AKAP13: variants seen among roughly 807,000 people sequenced by gnomAD.
The protein encoded by AKAP13 is A-kinase anchoring protein 13, also known as A-kinase anchor protein 13.
In AKAP13, 80 loss-of-function variants were observed where a neutral mutation model predicts 264.5. That is an observed-to-expected ratio of 0.30 (90% CI 0.25 to 0.36). AKAP13 has a LOEUF of 0.36. AKAP13 is among the 10% of genes least tolerant of loss of function. AKAP13 has a pLI of 1.00. For synonymous variants in AKAP13, 1,380 were observed against 1,250.2 expected, an observed-to-expected ratio of 1.10 and a Z score of -2.19; for missense variants, 3,712 against 3,435.2, an observed-to-expected ratio of 1.08 and a Z score of -2.01.
At chr15:85,540,280 C>T (rs1424697026) in intron 4 of AKAP13, among the ~76,000 whole-genome samples, 1 of 152,118 alleles carries the variant, frequency 6.6e-6, no homozygotes, top group Non-Finnish European at 1.5e-5. Flanking sequence ...TCCCTTCTCT[C>T]CAGGGGAAAT....
At chr15:85,622,425 A>ATG (rs1322956723) in intron 8 of AKAP13, among the ~76,000 whole-genome samples, 1 of 152,176 alleles carries the variant, frequency 6.6e-6, no homozygotes, top group African/African-American at 2.4e-5. Flanking sequence ...ATTGTGGTGG[A>ATG]TGGGAGCACC....
intron 17 of AKAP13, among the ~76,000 whole-genome samples, chr15:85,697,297 G>C (rs910558007): frequency 7.2e-5 from 11 of 152,198 alleles, no homozygotes; most frequent in Admixed American, 3.3e-4. Flanking sequence ...GGGGCCGGGC[G>C]CAGTGGCTCA....
At chr15:85,527,588 G>A (rs2077113181) in intron 3 of AKAP13, among the ~76,000 whole-genome samples, 1 of 152,190 alleles carries the variant, frequency 6.6e-6, no homozygotes, top group Non-Finnish European at 1.5e-5. Flanking sequence ...CACATTTTTA[G>A]CATTAAATCT....
chr15:85,648,445 A>G (rs1470467353), intron 10 of AKAP13, among the ~76,000 whole-genome samples: 3 of 152,302 alleles, frequency 2.0e-5, no homozygotes, highest in South Asian at 2.1e-4. Flanking sequence ...AGAATTTTCT[A>G]TATTTCGCCG....
chr15:85,412,356 G>A (rs1814593614), intron 1 of AKAP13, among the ~76,000 whole-genome samples: 1 of 152,186 alleles, frequency 6.6e-6, no homozygotes, highest in Non-Finnish European at 1.5e-5. Flanking sequence ...TTTTAAAAAT[G>A]TACTTCCCCA....
intron 1 of AKAP13, among the ~76,000 whole-genome samples, chr15:85,429,523 G>C (rs192923964): frequency 2.6e-5 from 4 of 152,194 alleles, no homozygotes; most frequent in African/African-American, 9.7e-5. Flanking sequence ...TAAGAAAATA[G>C]TAACCTCCCT....
chr15:85,714,151 T>G (rs890249141), intron 19 of AKAP13, among the ~76,000 whole-genome samples: 1 of 152,240 alleles, frequency 6.6e-6, no homozygotes, highest in African/African-American at 2.4e-5. Context: ...GTGTATTATA[T>G]ACTGTATTCT....
chr15:85,439,825 T>TGGGGGGA (rs1257032989), intron 1 of AKAP13, among the ~76,000 whole-genome samples: 1 of 63,620 alleles, frequency 1.6e-5, no homozygotes, highest in African/African-American at 6.4e-5. Context: ...TGTGGTGGGG[T>TGGGGGGA]GGGGGGAGGG....
At chr15:85,630,194 CACACACACACACACAT>C (rs2081654293) in intron 8 of AKAP13, among the ~76,000 whole-genome samples, 1 of 86,876 alleles carries the variant, frequency 1.2e-5, no homozygotes, top group Non-Finnish European at 2.5e-5. Context: ...CACACACACA[CACACACACACACACAT>C]CATGAACTAA....
chr15:85,718,989 C>G lies in AKAP13; in HGVS notation c.6002-87C>G. 2 of 1,550,056 alleles carry G rather than the reference C, an allele frequency of 1.3e-6. No homozygotes were observed. Among genetic ancestry groups the G allele is most frequent in the South Asian group, 1.2e-5 (1 of 82,740 alleles). On this transcript the variant is annotated intron_variant, in intron 22 of 36. Transcript: ENST00000394518. The surrounding 1 kb of genome is among the most constrained non-coding windows in gnomAD (Gnocchi z 4.9). ...TTTAAGGTTCAAATTGGGCTCTAAA[C>G]TAGCTTTGGGACTGCAGCAGATGAT...
intron 3 of AKAP13, among the ~76,000 whole-genome samples, chr15:85,532,456 A>G (rs1279072922): frequency 2.0e-5 from 3 of 152,176 alleles, no homozygotes; most frequent in African/African-American, 7.2e-5. Context: ...TGTGTTAGAG[A>G]TTCAGGGAAG....
chr15:85,612,972 A>G (rs1279649567), intron 8 of AKAP13, among the ~76,000 whole-genome samples: 6 of 152,228 alleles, frequency 3.9e-5, no homozygotes, highest in Non-Finnish European at 7.3e-5. Context: ...TAAGATTTCT[A>G]CATGTGAGAA....
intron 1 of AKAP13, among the ~76,000 whole-genome samples, chr15:85,409,777 C>G (rs1012672927): frequency 6.6e-6 from 1 of 150,824 alleles, no homozygotes; most frequent in Non-Finnish European, 1.5e-5. Flanking sequence ...ACTGCAGGCG[C>G]CCACCACCAC....
intron 19 of AKAP13, 22 bp downstream of exon 19, chr15:85,710,667 T>G: frequency 6.2e-7 from 1 of 1,610,084 alleles, no homozygotes; most frequent in Non-Finnish European, 8.5e-7. Context: ...AGCCCACCTC[T>G]CAATTCCCTT....
Position 85,736,182 on chromosome 15 carries a change from G to C in AKAP13, c.7557+48G>C, listed in dbSNP as rs376942117. 1.4e-4 allele frequency: 205 copies of C among 1,434,094 alleles called. No homozygotes were observed. The African/African-American group carries it at 2.6e-3, about 19-fold the overall frequency. 88.8% of individuals were successfully genotyped at this position (1,434,094 alleles called of 1,614,324 possible). A position where few individuals can be genotyped will look rare whatever the true frequency, so the allele number is the denominator to read the frequency against. On this transcript the variant is annotated intron_variant, in intron 33 of 36. Transcript: ENST00000394518. ...AAGAAAATATGTGTTTGTTGTCATT[G>C]TCAAGTTAGGAATATTGTTTTTTCC...
At chr15:85,545,217 C>T (rs151204611) in intron 5 of AKAP13, among the ~76,000 whole-genome samples, 49 of 152,308 alleles carry the variant, frequency 3.2e-4, no homozygotes, top group Middle Eastern at 3.4e-3. Flanking sequence ...ATTCATTCTA[C>T]GGTTAGCCTC....
Position 85,619,569 on chromosome 15 carries a change from C to G in AKAP13, c.4162-19805C>G, listed in dbSNP as rs1045745691. 6 of 985,246 alleles carry G rather than the reference C, an allele frequency of 6.1e-6. No individual in the cohort carries two copies. The African/African-American group carries it at 7.0e-5, about 11-fold the overall frequency. The allele number at this position is 985,246 out of a possible 1,614,324, so 61.0% of individuals were successfully genotyped here. ...TCTTTGTTTTTGTTTTAAGCAAGAA[C>G]AGAATCTAATGACTTTTTTCATGCC... On this transcript the variant is annotated intron_variant, in intron 8 of 36. Coordinates refer to ENST00000394518, the MANE Select transcript of AKAP13 (RefSeq NM_007200.5).
chr15:85,408,430 T>C lies in AKAP13; in HGVS notation c.-12+27632T>C, dbSNP rs185017572. ...TCACCACTGTCCATTTCCATGACTC[T>C]TTTCATGTTGCGGAACGGAAATTTT... On this transcript the variant is annotated intron_variant, in intron 1 of 36. Transcript: ENST00000394518. Among the ~76,000 whole-genome samples the C allele has an allele frequency of 6.0e-5, 9 of 148,770 alleles. No homozygotes were observed. In the East Asian group the frequency reaches 1.7e-3, roughly 29 times the overall value.
chr15:85,676,891 T>C, intron 14 of AKAP13: 3 of 970,934 alleles, frequency 3.1e-6, no homozygotes, highest in Non-Finnish European at 3.7e-6. Flanking sequence ...GCATAGGCCA[T>C]TGACATTATG....
Sources: gnomAD v4.1 joint callset for allele counts (sites outside exome capture counted in the v4.1 genomes callset) on GRCh38, gnomAD v4.1.1 for gene constraint, Gnocchi (gnomAD v3.1) non-coding constraint, MANE v1.5 for transcripts, NCBI Gene and HGNC (gene_info 2026-07-23, HGNC 2026-07-21) for gene names.